Variants in NT5C2 observed in about 807,000 individuals in gnomAD.
NT5C2 encodes the protein 5'-nucleotidase, cytosolic II.
A neutral mutation model predicts 76.1 loss-of-function variants in NT5C2; 58 were observed. The ratio of observed to expected loss-of-function variants is 0.76; its 90% CI spans 0.62 to 0.95. The LOEUF is 0.95. NT5C2 is among the 40% of genes least tolerant of loss of function. NT5C2 has a pLI of 0.00. For synonymous variants in NT5C2, 229 were observed against 237.4 expected (o/e 0.96, Z 0.32); for missense variants, 478 against 690.3 (o/e 0.69, Z 3.45).
chr10:103,118,355 CTTTTCCTTTTTTTT>C (rs1343835759), intron 4 of NT5C2, among the ~76,000 whole-genome samples: 4 of 137,276 alleles, frequency 2.9e-5, no homozygotes, highest in Non-Finnish European at 6.4e-5. Context: ...TATCATATTT[CTTTTCCTTTTTTTT>C]TTTTTTTGGA....
At chr10:103,101,433 GA>G in intron 6 of NT5C2, 107 bp from the exon 7 acceptor site, 2 of 638,608 alleles carry the variant, frequency 3.1e-6, no homozygotes, top group Non-Finnish European at 5.4e-6. Flanking sequence ...CTATGTGCAA[GA>G]CAGAATTCCG....
chr10:103,177,843 G>C (rs1260700094), intron 2 of NT5C2, among the ~76,000 whole-genome samples: 1 of 152,090 alleles, frequency 6.6e-6, no homozygotes, highest in African/African-American at 2.4e-5. Flanking sequence ...CAAGTTGGTG[G>C]CATTTAGTGC....
chr10:103,154,680 AG>A (rs925441035), intron 3 of NT5C2, among the ~76,000 whole-genome samples: 2 of 152,214 alleles, frequency 1.3e-5, no homozygotes, highest in African/African-American at 4.8e-5. Flanking sequence ...TACTGAGGGT[AG>A]GGGAACAGGA....
In NT5C2 at chr10:103,094,431, G is replaced by T. The variant is rs1028613768; in HGVS notation, c.838C>A (p.Gln280Lys). ...PKPGSSHRPW[Q>K]SYFDLILVDA... is the part of the protein sequence containing the mutation. ...ACCAAGATCAAGTCAAAGTAGGACT[G>T]CCATGGTCGATGGGAGCTCCCAGGC... The change falls in exon 13 of 19, where the codon CAG becomes AAG. Residue 280 changes from glutamine to lysine, a missense_variant. Physicochemically the swap from Gln to Lys is moderately conservative, Grantham distance 53. Coordinates refer to ENST00000404739, the MANE Select transcript of NT5C2 (RefSeq NM_001351169.2). The T allele has an allele frequency of 1.9e-6, 3 of 1,613,054 alleles. No individual in the cohort carries two copies. Among genetic ancestry groups the T allele is most frequent in the African/African-American group, 2.7e-5 (2 of 74,850 alleles).
intron 1 of NT5C2, among the ~76,000 whole-genome samples, chr10:103,192,868 G>T (rs3087681): frequency 0.12 from 18,253 of 152,158 alleles, 1,232 homozygotes; most frequent in Non-Finnish European, 0.15. Context: ...GTGAGGAAAG[G>T]GGGGAAGAGG....
intron 4 of NT5C2, among the ~76,000 whole-genome samples, chr10:103,118,649 T>C (rs1287893598): frequency 1.3e-5 from 2 of 152,142 alleles, no homozygotes; most frequent in Non-Finnish European, 2.9e-5. Context: ...TAAGCCACCA[T>C]GCCTGGACAA....
rs933780349 is a variant in NT5C2, at chr10:103,091,346, G to T, written c.1211+218C>A. Among the ~76,000 whole-genome samples, 6 of 149,376 alleles carry T rather than the reference G, an allele frequency of 4.0e-5. No homozygotes were observed. The East Asian group carries it at 8.4e-4, about 21-fold the overall frequency. The stretch of plus-strand genomic sequence containing the variant: ...TGAGCCACTGCGCCTGGCCTGGAAA[G>T]AACTTTTTTTTTTTTTGAGACGGAG... On this transcript the variant is annotated intron_variant, in intron 16 of 18. Coordinates refer to ENST00000404739, the MANE Select transcript of NT5C2 (RefSeq NM_001351169.2).
chr10:103,156,873 C>A (rs1428288745), intron 3 of NT5C2, among the ~76,000 whole-genome samples: 3 of 151,332 alleles, frequency 2.0e-5, no homozygotes, highest in African/African-American at 7.3e-5. Context: ...CTGGCTAGCA[C>A]AGTGAAATCC....
intron 4 of NT5C2, among the ~76,000 whole-genome samples, chr10:103,129,270 C>T (rs1591215869): frequency 4.5e-5 from 5 of 111,494 alleles, no homozygotes; most frequent in South Asian, 3.3e-4. Context: ...GCCCCCCACC[C>T]GGCCAGCCGC....
At chr10:103,179,295 C>T (rs114373406) in intron 2 of NT5C2, among the ~76,000 whole-genome samples, 3,485 of 152,120 alleles carry the variant, frequency 0.023, 84 homozygotes, top group South Asian at 0.12. Context: ...TATGGACTCG[C>T]CCTAAATTCT....
intron 3 of NT5C2, among the ~76,000 whole-genome samples, chr10:103,163,860 C>CAAAAAAAAAAAAA (rs1156583063): frequency 2.0e-5 from 1 of 50,376 alleles, no homozygotes; most frequent in Non-Finnish European, 4.1e-5. Context: ...ACTAAAAATA[C>CAAAAAAAAAAAAA]AAAAAAAAAA....
intron 12 of NT5C2, among the ~76,000 whole-genome samples, chr10:103,094,776 G>T (rs2067765140): frequency 6.6e-6 from 1 of 151,910 alleles, no homozygotes; most frequent in Non-Finnish European, 1.5e-5. Context: ...CAGCTACTTG[G>T]GAGGCTGAGG....
intron 4 of NT5C2, among the ~76,000 whole-genome samples, chr10:103,129,369 G>C (rs1370961351): frequency 9.2e-6 from 1 of 109,096 alleles, no homozygotes; most frequent in Non-Finnish European, 1.9e-5. Context: ...CTCTCCGCCC[G>C]GCCAGCCGCC....
intron 4 of NT5C2, among the ~76,000 whole-genome samples, chr10:103,129,487 C>G (rs1466718366): frequency 5.1e-5 from 6 of 117,022 alleles, no homozygotes; most frequent in African/African-American, 9.5e-5. Context: ...GGGGGTCAGC[C>G]CCCCCACCCG....
At chr10:103,137,358 T>C (rs1003044709) in intron 4 of NT5C2, among the ~76,000 whole-genome samples, 7 of 152,086 alleles carry the variant, frequency 4.6e-5, no homozygotes, top group African/African-American at 7.2e-5. Context: ...GTTAAGGCAA[T>C]AGAAAAACAA....
At chr10:103,144,140 A>T (rs996743694) in intron 3 of NT5C2, among the ~76,000 whole-genome samples, 4 of 152,194 alleles carry the variant, frequency 2.6e-5, no homozygotes, top group African/African-American at 9.7e-5. Flanking sequence ...AGCTCTAGAA[A>T]CTAAATGTAA....
intron 15 of NT5C2, 140 bp downstream of exon 15, chr10:103,092,999 G>A (rs2067305441): frequency 1.8e-6 from 1 of 548,918 alleles, no homozygotes. Flanking sequence ...TATTCTATGG[G>A]AAGGAAGTAT....
At position 103,105,815 on chromosome 10, in the gene NT5C2, A is replaced by G. The variant is rs761114975; in HGVS notation, c.294-14T>C. ...AAGACAAGTCCCCTATGTGAAAATGAAGACATTATTGATAATGCAAAGTAA... is the reference window on the plus strand; with the variant it reads ...AAGACAAGTCCCCTATGTGAAAATGGAGACATTATTGATAATGCAAAGTAA... On this transcript the variant is annotated splice_polypyrimidine_tract_variant and intron_variant, in intron 5 of 18. Transcript: ENST00000404739. 3.8e-6 allele frequency: 6 copies of G among 1,570,772 alleles called. No individual in the cohort carries two copies. In the South Asian group the frequency reaches 6.7e-5, roughly 17 times the overall value.
chr10:103,189,779 G>A (rs1448248632), intron 1 of NT5C2, among the ~76,000 whole-genome samples: 8 of 145,568 alleles, frequency 5.5e-5, no homozygotes, highest in South Asian at 2.2e-4. Context: ...AGCGATTCTC[G>A]TGTCTCAGCC....
Sources: allele counts gnomAD v4.1 joint callset (sites outside exome capture counted in the v4.1 genomes callset), GRCh38; gene constraint gnomAD v4.1.1; transcripts MANE v1.5; gene names NCBI Gene and HGNC (gene_info 2026-07-23, HGNC 2026-07-21).